The following MAF variants were observed in gnomAD, a reference collection of about 807,000 sequenced individuals.
The protein encoded by MAF is MAF bZIP transcription factor.
Under a neutral mutation model 22.0 loss-of-function variants are expected in MAF, and 10 were observed. That is an observed-to-expected ratio of 0.45 (90% CI 0.28 to 0.77). The LOEUF is 0.77. Ranked by LOEUF, MAF falls within the 30% of genes least tolerant of loss-of-function variation. The pLI, the probability that MAF is intolerant of heterozygous loss-of-function variation, is 0.12. For synonymous variants in MAF, 337 were observed against 255.8 expected, an observed-to-expected ratio of 1.32 and a Z score of -3.03; for missense variants, 544 against 548.4, an observed-to-expected ratio of 0.99 and a Z score of 0.08.
At chr16:79,370,441 C>A in the MAF span, among the ~76,000 whole-genome samples, 1 of 152,192 alleles carries the variant, frequency 6.6e-6, no homozygotes, top group Admixed American at 6.5e-5. Flanking sequence ...AGATCTCAGC[C>A]TTCCCACAGT....
the MAF span, among the ~76,000 whole-genome samples, chr16:79,230,310 G>C: frequency 2.0e-5 from 3 of 152,244 alleles, no homozygotes; most frequent in South Asian, 6.2e-4. Context: ...GGTGCCTCCA[G>C]CAGTGACAGA....
In MAF at chr16:79,598,773, T is replaced by C. The variant is rs778031144; in HGVS notation, c.1118+12A>G. The C allele has an allele frequency of 1.1e-5, 17 of 1,613,566 alleles. No individual in the cohort carries two copies. The highest frequency in any genetic ancestry group is 5.1e-6 in the Non-Finnish European group (6 of 1,179,956). ...ATCAGGGTGGCTAGCTGGAATCGCG[T>C]GTCAGACTCACATGAAAAACTCGGG... On this transcript the variant is annotated intron_variant, in intron 1 of 1. Coordinates refer to ENST00000326043, the MANE Select transcript of MAF (RefSeq NM_005360.5).
At chr16:79,501,623 G>C in the MAF span, among the ~76,000 whole-genome samples, 8 of 152,098 alleles carry the variant, frequency 5.3e-5, no homozygotes, top group East Asian at 1.3e-3. Context: ...CCTAACTTCA[G>C]TGTTGATGCT....
the MAF span, among the ~76,000 whole-genome samples, chr16:79,382,511 C>T: frequency 6.6e-6 from 1 of 152,192 alleles, no homozygotes; most frequent in Non-Finnish European, 1.5e-5. Flanking sequence ...CTAATTTTAA[C>T]TAATTTAAAT....
chr16:79,553,599 G>A, the MAF span, among the ~76,000 whole-genome samples: 1 of 152,228 alleles, frequency 6.6e-6, no homozygotes, highest in African/African-American at 2.4e-5. Context: ...AGCCTGGTCA[G>A]AAAGCTGCCA....
chr16:79,264,593 C>T, the MAF span: 1 of 152,174 alleles, frequency 6.6e-6, no homozygotes, highest in African/African-American at 2.4e-5. Context: ...GAGCTCTATC[C>T]TCTCTCAAAT....
At chr16:79,218,367 G>C in the MAF span, among the ~76,000 whole-genome samples, 7 of 152,058 alleles carry the variant, frequency 4.6e-5, no homozygotes, top group Non-Finnish European at 8.8e-5. Context: ...GTTATTTCTA[G>C]TTTCTGTTAG....
At chr16:79,424,245 G>A in the MAF span, among the ~76,000 whole-genome samples, 6 of 152,236 alleles carry the variant, frequency 3.9e-5, no homozygotes, top group African/African-American at 9.6e-5. Context: ...AAGCTTTGCC[G>A]AGATGTTGAA....
At chr16:79,589,559 G>T (rs1014159091), downstream of MAF, among the ~76,000 whole-genome samples, 3 of 152,162 alleles carry the variant, frequency 2.0e-5, no homozygotes, top group Admixed American at 6.5e-5. Flanking sequence ...AAATGATCTG[G>T]AGCCGATGAT....
the MAF span, among the ~76,000 whole-genome samples, chr16:79,309,168 T>C: frequency 1.3e-5 from 2 of 152,222 alleles, no homozygotes; most frequent in South Asian, 4.2e-4. Context: ...CAATAAGCCA[T>C]GATACAGGAA....
the MAF span, among the ~76,000 whole-genome samples, chr16:79,244,426 A>G: frequency 3.9e-5 from 6 of 151,986 alleles, no homozygotes; most frequent in Non-Finnish European, 7.4e-5. Flanking sequence ...TCAATAATAG[A>G]CAAACAGAGA....
chr16:79,596,088 C>T lies in MAF; in HGVS notation c.1119-1535G>A, dbSNP rs148905186. The T allele has an allele frequency of 1.1e-4, 112 of 1,062,080 alleles. 1 individual carries two copies. The East Asian group carries it at 5.4e-3, about 51-fold the overall frequency. 65.8% of individuals were successfully genotyped at this position (1,062,080 alleles called of 1,614,324 possible). A position where few individuals can be genotyped will look rare whatever the true frequency, so the allele number is the denominator to read the frequency against. ...CTCTTTACCGTTCAATGCATATGTGCGCAAGCCACCTCTGATGCGCCATAT... is the reference window on the plus strand; with the variant it reads ...CTCTTTACCGTTCAATGCATATGTGTGCAAGCCACCTCTGATGCGCCATAT... On this transcript the variant is annotated intron_variant, in intron 1 of 1. Coordinates refer to ENST00000326043, the MANE Select transcript of MAF (RefSeq NM_005360.5).
Position 79,599,962 on chromosome 16 carries a change from C to T in MAF, c.-60G>A. ...CGCCAGATGGGCTGCAGGAGAGGGG[C>T]CAGCGGGCTGTGCTGGGTGGCCAGC... On this transcript the variant is annotated 5_prime_UTR_variant, in exon 1 of 2. Coordinates refer to ENST00000326043, the MANE Select transcript of MAF (RefSeq NM_005360.5). 1.3e-6 allele frequency: 2 copies of T among 1,595,068 alleles called. No homozygotes were observed. Among genetic ancestry groups the T allele is most frequent in the Non-Finnish European group, 1.7e-6 (2 of 1,177,970 alleles).
chr16:79,211,880 G>A, the MAF span: 1 of 1,586,258 alleles, frequency 6.3e-7, no homozygotes, highest in African/African-American at 1.3e-5. Flanking sequence ...CCTTCCAAAT[G>A]TCCCTCCAAC....
chr16:79,314,511 G>A, the MAF span, among the ~76,000 whole-genome samples: 22 of 152,190 alleles, frequency 1.4e-4, no homozygotes, highest in Admixed American at 3.9e-4. Context: ...CCAGGGAGGA[G>A]GTCACCGAGG....
chr16:79,287,394 G>A, the MAF span, among the ~76,000 whole-genome samples: 2 of 152,196 alleles, frequency 1.3e-5, no homozygotes, highest in Non-Finnish European at 2.9e-5. Flanking sequence ...TGAGGCGGGG[G>A]CTGGCGGGGG....
the MAF span, among the ~76,000 whole-genome samples, chr16:79,251,469 C>T: frequency 6.6e-6 from 1 of 152,108 alleles, no homozygotes; most frequent in South Asian, 2.1e-4. Flanking sequence ...GCACCTGCCA[C>T]CACATCTGGC....
chr16:79,457,975 C>A, the MAF span, among the ~76,000 whole-genome samples: 4 of 152,148 alleles, frequency 2.6e-5, no homozygotes, highest in Admixed American at 2.0e-4. Context: ...AAGAAACTCA[C>A]AACCTTTCTT....
the MAF span, among the ~76,000 whole-genome samples, chr16:79,382,957 A>G: frequency 1.3e-5 from 2 of 152,228 alleles, no homozygotes; most frequent in Non-Finnish European, 2.9e-5. Flanking sequence ...GCATTCATTC[A>G]TTCATTCATT....
Sources: gnomAD v4.1 joint callset for allele counts (sites outside exome capture counted in the v4.1 genomes callset) on GRCh38, gnomAD v4.1.1 for gene constraint, MANE v1.5 for transcripts, NCBI Gene and HGNC (gene_info 2026-07-23, HGNC 2026-07-21) for gene names.